CPVL: variants seen among roughly 807,000 people sequenced by gnomAD.
The protein encoded by CPVL is probable serine carboxypeptidase CPVL.
A neutral mutation model predicts 63.7 loss-of-function variants in CPVL; 51 were observed. The ratio of observed to expected loss-of-function variants is 0.80; its 90% CI spans 0.64 to 1.01. CPVL has a LOEUF of 1.01. CPVL is among the 50% of genes least tolerant of loss of function. The probability of loss-of-function intolerance (pLI) is 0.00; values close to 1 mark genes in which losing one functional copy is unlikely to be tolerated. For missense variants in CPVL, 530 were observed against 573.1 expected (o/e 0.92, Z 0.77); for synonymous variants, 195 against 206.0 (o/e 0.95, Z 0.46).
At chr7:29,174,930 TAAAC>T (rs1036136174) in intron 5 of CPVL, among the ~76,000 whole-genome samples, 25 of 149,238 alleles carry the variant, frequency 1.7e-4, no homozygotes, top group Non-Finnish European at 2.7e-4. Context: ...AGACACAAAA[TAAAC>T]AAAATTCTAT....
chr7:29,133,390 T>C (rs988559412), intron 1 of CPVL, among the ~76,000 whole-genome samples: 1 of 152,248 alleles, frequency 6.6e-6, no homozygotes, highest in African/African-American at 2.4e-5. Context: ...TTCTGTAATT[T>C]GTGTTTTCAT....
intron 9 of CPVL, 75 bp downstream of exon 9, chr7:29,071,698 T>G (rs555040561): frequency 1.2e-5 from 18 of 1,485,324 alleles, no homozygotes; most frequent in Middle Eastern, 1.8e-4. Context: ...AGCACCAAGG[T>G]GTTCCTGCTC....
chr7:29,057,356 G>A (rs1790843765), intron 11 of CPVL, among the ~76,000 whole-genome samples: 1 of 152,018 alleles, frequency 6.6e-6, no homozygotes, highest in Non-Finnish European at 1.5e-5. Flanking sequence ...TTTTCTTATT[G>A]TTGAGCTATA....
chr7:29,181,715 T>C (rs1018572050), intron 4 of CPVL, among the ~76,000 whole-genome samples: 2 of 152,170 alleles, frequency 1.3e-5, no homozygotes, highest in African/African-American at 4.8e-5. Context: ...CTAGAAAAAC[T>C]AAATAAAGTA....
chr7:29,079,296 C>A (rs1031581044), intron 7 of CPVL, among the ~76,000 whole-genome samples: 3 of 152,120 alleles, frequency 2.0e-5, no homozygotes, highest in Admixed American at 6.5e-5. Context: ...GGTGAGAGCA[C>A]CCAGTTTGGT....
intron 12 of CPVL, among the ~76,000 whole-genome samples, chr7:29,005,488 A>T (rs1388427650): frequency 6.6e-6 from 1 of 152,164 alleles, no homozygotes; most frequent in Non-Finnish European, 1.5e-5. Flanking sequence ...CCCCAATGAA[A>T]TTAATGAAGC....
In CPVL at chr7:29,125,941, C is replaced by T. The variant is rs576501794; in HGVS notation, c.-10-4870G>A. On this transcript the variant is annotated intron_variant, in intron 1 of 12. Transcript: ENST00000265394. ...TCCGAGGACCTTGGTAAGACAGTAACTTCTCTGGGTCCCACCTGATGTGCT... is the reference window on the plus strand; with the variant it reads ...TCCGAGGACCTTGGTAAGACAGTAATTTCTCTGGGTCCCACCTGATGTGCT... 9.8e-5 allele frequency among the ~76,000 whole-genome samples: 15 copies of T among 152,338 alleles called. No homozygotes were observed. In the South Asian group the frequency reaches 3.1e-3, roughly 32 times the overall value.
chr7:29,193,709 TC>T (rs1183047476), intron 1 of CPVL: 1 of 152,232 alleles, frequency 6.6e-6, no homozygotes, highest in Non-Finnish European at 1.5e-5. Context: ...AGTCTCTTTC[TC>T]TCACACACCT....
intron 3 of CPVL, among the ~76,000 whole-genome samples, chr7:29,102,722 C>T (rs962408172): frequency 1.3e-5 from 2 of 152,098 alleles, no homozygotes; most frequent in African/African-American, 2.4e-5. Flanking sequence ...GCCTCAGAAG[C>T]CCTTTCGATT....
chr7:29,092,638 G>C lies in CPVL; in HGVS notation c.527C>G (p.Ala176Gly), dbSNP rs1785936772. ...AGCATTTTACCTGTATAAATCCCGT[G>C]CTACATCGTCCTCATTGACTGCATA... ...HGYAVNEDDV[A>G]RDLYSALIQF... The change falls in exon 6 of 13, where the codon GCA becomes GGA. Residue 176 changes from alanine to glycine, a missense_variant. Ala to Gly is a moderately conservative substitution (Grantham distance 60). Coordinates refer to ENST00000265394, the MANE Select transcript of CPVL (RefSeq NM_031311.5). 6.2e-7 allele frequency: 1 copy of C among 1,612,988 alleles called. No homozygotes were observed. The highest frequency in any genetic ancestry group is 1.7e-5 in the Admixed American group (1 of 60,010).
At chr7:29,017,786 A>G (rs945912978) in intron 12 of CPVL, among the ~76,000 whole-genome samples, 14 of 152,232 alleles carry the variant, frequency 9.2e-5, no homozygotes, top group Non-Finnish European at 2.9e-5. Flanking sequence ...ATAGGCTCCA[A>G]TTTTAACTGT....
chr7:29,057,803 C>T (rs77891307), intron 11 of CPVL, among the ~76,000 whole-genome samples: 2,178 of 152,234 alleles, frequency 0.014, 49 homozygotes, highest in African/African-American at 0.049. Context: ...TATCAAAGAT[C>T]GGTTGACTAT....
chr7:29,100,456 G>A (rs146898982), intron 3 of CPVL, among the ~76,000 whole-genome samples: 2,025 of 152,228 alleles, frequency 0.013, 23 homozygotes, highest in Admixed American at 0.026. Context: ...TGGATGGAGA[G>A]TTTGCCCTCT....
At chr7:29,130,615 G>A (rs1790585115) in intron 1 of CPVL, among the ~76,000 whole-genome samples, 1 of 152,158 alleles carries the variant, frequency 6.6e-6, no homozygotes, top group Non-Finnish European at 1.5e-5. Context: ...AGTAAACTCA[G>A]TCCCAGGTTA....
At chr7:28,999,851 C>T (rs1583923476) in intron 12 of CPVL, among the ~76,000 whole-genome samples, 1 of 152,236 alleles carries the variant, frequency 6.6e-6, no homozygotes, top group East Asian at 1.9e-4. Flanking sequence ...CTGATATTAA[C>T]TTCAAAAATA....
Position 29,146,495 on chromosome 7 carries a change from G to T in CPVL, c.-77C>A. ...GACCCCAGCCGGTTGTCCTTGCAGC[G>T]CTTCCCAAATCAGGCAGAAGTGAGG... On this transcript the variant is annotated 5_prime_UTR_variant, in exon 1 of 13. Transcript: ENST00000265394. 2.7e-6 allele frequency: 4 copies of T among 1,457,142 alleles called. No individual in the cohort carries two copies. Among genetic ancestry groups the T allele is most frequent in the Non-Finnish European group, 3.6e-6 (4 of 1,105,528 alleles). The allele number at this position is 1,457,142 out of a possible 1,614,324, so 90.3% of individuals were successfully genotyped here. A position where few individuals can be genotyped will look rare whatever the true frequency, so the allele number is the denominator to read the frequency against.
At chr7:29,130,001 T>C (rs1170553685) in intron 1 of CPVL, among the ~76,000 whole-genome samples, 1 of 152,196 alleles carries the variant, frequency 6.6e-6, no homozygotes, top group Non-Finnish European at 1.5e-5. Flanking sequence ...GATCGTAGCC[T>C]ACAGGTTTCA....
rs751543732 is a variant in CPVL, at chr7:29,092,666, C to A, written c.499G>T (p.Gly167Ter). The A allele has an allele frequency of 3.7e-6, 6 of 1,613,774 alleles. No homozygotes were observed. The Admixed American group carries it at 1.0e-4, about 27-fold the overall frequency. The change falls in exon 6 of 13, where the codon GGA becomes TGA. Residue 167 changes from glycine to a stop codon, truncating the protein, a stop_gained. Coordinates refer to ENST00000265394, the MANE Select transcript of CPVL (RefSeq NM_031311.5). LOFTEE classifies it high-confidence loss of function. Reference protein sequence around the residue: ...TGFSFTDDTHGYAVNEDDVAR... With the variant: ...TGFSFTDDTH ...ACATCGTCCTCATTGACTGCATATC[C>A]GTGGGTATCATCAGTAAAACTGAAG...
intron 12 of CPVL, among the ~76,000 whole-genome samples, chr7:29,019,080 T>C (rs1187017915): frequency 6.6e-6 from 1 of 152,024 alleles, no homozygotes; most frequent in African/African-American, 2.4e-5. Context: ...TACATATCTA[T>C]GTAAGCATAG....
Sources: gnomAD v4.1 joint callset for allele counts (sites outside exome capture counted in the v4.1 genomes callset) on GRCh38, gnomAD v4.1.1 for gene constraint, MANE v1.5 for transcripts, NCBI Gene and HGNC (gene_info 2026-07-23, HGNC 2026-07-21) for gene names.